Variants in SLCO5A1 observed in about 807,000 individuals in gnomAD.
SLCO5A1 encodes organic anion transporter polypeptide-related protein 4.
In SLCO5A1, 39 loss-of-function variants were observed where a neutral mutation model predicts 65.1. The observed-to-expected ratio is 0.60, with a 90% confidence interval of 0.46 to 0.78. The LOEUF is 0.78. Ranked by LOEUF, SLCO5A1 falls within the 30% of genes least tolerant of loss-of-function variation. The pLI is 0.00. For missense variants in SLCO5A1, 1,029 were observed against 1,069.4 expected (o/e 0.96, Z 0.53); for synonymous variants, 438 against 415.7 (o/e 1.05, Z -0.65).
At chr8:69,792,335 A>G (rs556072719) in intron 2 of SLCO5A1, among the ~76,000 whole-genome samples, 2 of 152,220 alleles carry the variant, frequency 1.3e-5, no homozygotes, top group Non-Finnish European at 2.9e-5. Flanking sequence ...TAAAGGGGGC[A>G]GGAGGGCAAA....
At position 69,761,782 on chromosome 8, in the gene SLCO5A1, A is replaced by G. The variant is rs149104030; in HGVS notation, c.1001T>C (p.Val334Ala). 496 of 1,614,038 alleles carry G rather than the reference A, an allele frequency of 3.1e-4. 3 individuals are homozygous for G. The East Asian group carries it at 0.011, about 36-fold the overall frequency. ...ACGAGGGTCATTCTGGTCAAGGTGA[A>G]CAGGATTTCTGGGATCAACATAAAA... The part of the protein sequence containing the change: ...IGFYVDPRNP[V>A]HLDQNDPRFI... The change falls in exon 3 of 10, where the codon GTT (valine) becomes GCT (alanine). Residue 334 changes from valine (V) to alanine (A), a missense_variant. Around this residue, in one of 3 missense-constraint regions of SLCO5A1, gnomAD observed 647 missense variants for 647.5 expected, o/e 1.00. Transcript: ENST00000260126.
intron 5 of SLCO5A1, among the ~76,000 whole-genome samples, chr8:69,718,022 T>C (rs1172050635): frequency 6.6e-6 from 1 of 152,190 alleles, no homozygotes; most frequent in Non-Finnish European, 1.5e-5. Context: ...TCCTCCTACA[T>C]AACTGAAATT....
Position 69,832,887 on chromosome 8 carries a change from T to C in SLCO5A1, c.-214A>G. On this transcript the variant is annotated 5_prime_UTR_variant, in exon 2 of 10. Coordinates refer to ENST00000260126, the MANE Select transcript of SLCO5A1 (RefSeq NM_030958.3). This position sits in a 1 kb window ranked among gnomAD's most constrained non-coding sequence, Gnocchi z 4.5. ...ACGGCTTCAAGGCTCCGCAGCCGCGTGCCACAGGGGGCAGGGGTCCGCGCG... is the reference window on the plus strand; with the variant it reads ...ACGGCTTCAAGGCTCCGCAGCCGCGCGCCACAGGGGGCAGGGGTCCGCGCG... 1.7e-6 allele frequency: 1 copy of C among 601,274 alleles called. No individual in the cohort carries two copies. Among genetic ancestry groups the C allele is most frequent in the Non-Finnish European group, 2.9e-6 (1 of 348,548 alleles). 37.2% of individuals were successfully genotyped at this position (601,274 alleles called of 1,614,324 possible).
chr8:69,740,736 A>G (rs142293138), intron 4 of SLCO5A1, among the ~76,000 whole-genome samples: 2 of 152,306 alleles, frequency 1.3e-5, no homozygotes, highest in Non-Finnish European at 2.9e-5. Flanking sequence ...CTTGTTGAAC[A>G]AGAAAGCAAA....
chr8:69,815,869 T>C (rs926979942), intron 2 of SLCO5A1, among the ~76,000 whole-genome samples: 2 of 152,140 alleles, frequency 1.3e-5, no homozygotes, highest in Non-Finnish European at 2.9e-5. Flanking sequence ...CCATAGTAAC[T>C]TCTCTAAACT....
chr8:69,675,988 G>A (rs1269353913), intron 9 of SLCO5A1, among the ~76,000 whole-genome samples: 1 of 152,178 alleles, frequency 6.6e-6, no homozygotes, highest in Non-Finnish European at 1.5e-5. Context: ...AGAGGGATGT[G>A]GTGTTTGTAA....
At chr8:69,777,360 T>C (rs1041009539) in intron 2 of SLCO5A1, among the ~76,000 whole-genome samples, 3 of 151,990 alleles carry the variant, frequency 2.0e-5, no homozygotes, top group African/African-American at 7.2e-5. Context: ...TATCCCATAG[T>C]AATAAGAAAC....
chr8:69,734,095 C>T (rs757228073), intron 5 of SLCO5A1, among the ~76,000 whole-genome samples: 19 of 152,130 alleles, frequency 1.2e-4, no homozygotes, highest in Non-Finnish European at 2.4e-4. Context: ...ATGATGCCCT[C>T]GTCAGACATT....
chr8:69,677,770 C>T (rs2130785490), intron 8 of SLCO5A1, among the ~76,000 whole-genome samples: 1 of 152,364 alleles, frequency 6.6e-6, no homozygotes, highest in South Asian at 2.1e-4. Context: ...ACATCTGGTG[C>T]AGCCAACTGC....
intron 9 of SLCO5A1, among the ~76,000 whole-genome samples, chr8:69,674,675 C>G (rs1206650267): frequency 6.6e-6 from 1 of 151,750 alleles, no homozygotes; most frequent in Non-Finnish European, 1.5e-5. Context: ...CAAATCATAT[C>G]AAATGACCCC....
In SLCO5A1 at chr8:69,789,286, T is replaced by C. The variant is rs1221038930; in HGVS notation, c.908-27411A>G. On this transcript the variant is annotated intron_variant, in intron 2 of 9. Coordinates refer to ENST00000260126, the MANE Select transcript of SLCO5A1 (RefSeq NM_030958.3). ...GTGTTTTGTGAACAATTTTGACCCA[T>C]ACTGTCCCAAAAATCAGTATGCAAG... 2.0e-5 allele frequency among the ~76,000 whole-genome samples: 3 copies of C among 152,214 alleles called. No homozygotes were observed. The South Asian group carries it at 6.2e-4, about 32-fold the overall frequency.
At chr8:69,688,389 G>T (rs1474120934) in intron 6 of SLCO5A1, among the ~76,000 whole-genome samples, 1 of 151,942 alleles carries the variant, frequency 6.6e-6, no homozygotes, top group Non-Finnish European at 1.5e-5. Flanking sequence ...ACAATGTGCA[G>T]GTTAGTTACA....
In SLCO5A1 at chr8:69,832,820, C is replaced by T; in HGVS notation, c.-147G>A. 3 of 895,436 alleles carry T rather than the reference C, an allele frequency of 3.4e-6. No homozygotes were observed. Among genetic ancestry groups the T allele is most frequent in the Non-Finnish European group, 3.3e-6 (2 of 606,294 alleles). The allele number at this position is 895,436 out of a possible 1,614,324, so 55.5% of individuals were successfully genotyped here. ...GGCGCAGGGCCGCGCAGCAGGGCATCCTCACCAGCTGCGAGGCGCCCAGTG... is the reference window on the plus strand; with the variant it reads ...GGCGCAGGGCCGCGCAGCAGGGCATTCTCACCAGCTGCGAGGCGCCCAGTG... On this transcript the variant is annotated 5_prime_UTR_variant, in exon 2 of 10. Coordinates refer to ENST00000260126, the MANE Select transcript of SLCO5A1 (RefSeq NM_030958.3). The surrounding 1 kb of genome is among the most constrained non-coding windows in gnomAD (Gnocchi z 4.5).
At chr8:69,768,980 G>T (rs1056529053) in intron 2 of SLCO5A1, among the ~76,000 whole-genome samples, 1 of 152,068 alleles carries the variant, frequency 6.6e-6, no homozygotes, top group Non-Finnish European at 1.5e-5. Context: ...CTTCCACCCC[G>T]TTCACTCAGT....
intron 6 of SLCO5A1, among the ~76,000 whole-genome samples, chr8:69,697,057 G>A (rs1233828191): frequency 6.6e-6 from 1 of 151,956 alleles, no homozygotes; most frequent in Non-Finnish European, 1.5e-5. Context: ...GAGAACACAG[G>A]GAAAAGAGAA....
At chr8:69,740,537 A>G (rs920913010) in intron 4 of SLCO5A1, among the ~76,000 whole-genome samples, 1 of 152,148 alleles carries the variant, frequency 6.6e-6, no homozygotes, top group African/African-American at 2.4e-5. Context: ...GTATGTGGGT[A>G]TAAATATAGG....
At chr8:69,793,777 CTAAATAAA>C (rs71556785) in intron 2 of SLCO5A1, among the ~76,000 whole-genome samples, 1,900 of 141,850 alleles carry the variant, frequency 0.013, 15 homozygotes, top group Middle Eastern at 0.039. Flanking sequence ...GACTCTGTCT[CTAAATAAA>C]TAAATAAATA....
intron 5 of SLCO5A1, among the ~76,000 whole-genome samples, chr8:69,733,392 T>A (rs976629372): frequency 6.6e-6 from 1 of 152,166 alleles, no homozygotes; most frequent in Non-Finnish European, 1.5e-5. Flanking sequence ...GGAGAGACTA[T>A]CCTCAAGTTA....
chr8:69,761,425 C>A, intron 3 of SLCO5A1: 1 of 273,996 alleles, frequency 3.6e-6, no homozygotes, highest in Non-Finnish European at 6.8e-6. Flanking sequence ...ATCATCGAAT[C>A]TCCTTCTTTG....
Sources: gnomAD v4.1 joint callset for allele counts (sites outside exome capture counted in the v4.1 genomes callset) on GRCh38, gnomAD v4.1.1 for gene constraint, gnomAD v4.1.1 regional missense constraint, Gnocchi (gnomAD v3.1) non-coding constraint, MANE v1.5 for transcripts, NCBI Gene and HGNC (gene_info 2026-07-23, HGNC 2026-07-21) for gene names.